OSCP1: variants seen among roughly 807,000 people sequenced by gnomAD.
OSCP1 encodes organic solute carrier partner 1, also known as protein OSCP1.
A neutral mutation model predicts 45.1 loss-of-function variants in OSCP1; 35 were observed. That is an observed-to-expected ratio of 0.78 (90% CI 0.59 to 1.03). The LOEUF (loss-of-function observed/expected upper bound fraction) is 1.03. Among genes scored for constraint, OSCP1 ranks in the 50% least tolerant of loss-of-function variants. OSCP1 has a pLI of 0.00. For synonymous variants in OSCP1, 179 were observed against 180.1 expected, an observed-to-expected ratio of 0.99 and a Z score of 0.05; for missense variants, 400 against 470.7, an observed-to-expected ratio of 0.85 and a Z score of 1.39.
At chr1:36,435,091 C>CTTTTTTTTTTTTTTTTTTTT (rs201268337) in intron 2 of OSCP1, among the ~76,000 whole-genome samples, 1 of 125,746 alleles carries the variant, frequency 8.0e-6, no homozygotes, top group South Asian at 2.5e-4. Context: ...TTTTCTTTTT[C>CTTTTTTTTTTTTTTTTTTTT]TTTTTTTTTT....
intron 8 of OSCP1, among the ~76,000 whole-genome samples, chr1:36,419,856 T>C (rs891034426): frequency 6.6e-6 from 1 of 152,174 alleles, no homozygotes; most frequent in African/African-American, 2.4e-5. Context: ...CTCTCTCTCC[T>C]AGGCTGGAAT....
chr1:36,427,843 T>C (rs1648075637), intron 4 of OSCP1, among the ~76,000 whole-genome samples: 1 of 152,196 alleles, frequency 6.6e-6, no homozygotes, highest in Non-Finnish European at 1.5e-5. Flanking sequence ...GATCTTAATT[T>C]ATATTGATGT....
rs1179066838 is a variant in OSCP1 at position 36,438,827 on chromosome 1, CCTT to C, written c.193_195del (p.Lys65del). ...AGGCGCTCATAGACAGTCCTCAGGG[CCTT>C]CTTGGAGTAGAGCTCTTGAGGCTTG... is the stretch of plus-strand genomic sequence containing the variant. On this transcript the variant is annotated inframe_deletion, in exon 2 of 10. Coordinates refer to ENST00000235532, the MANE Select transcript of OSCP1 (RefSeq NM_145047.5). 7.4e-5 allele frequency: 119 copies of C among 1,614,064 alleles called. No individual in the cohort carries two copies. Among genetic ancestry groups the C allele is most frequent in the Non-Finnish European group, 9.9e-5 (117 of 1,180,034 alleles).
At chr1:36,429,385 CAAA>C (rs57925548) in intron 4 of OSCP1, among the ~76,000 whole-genome samples, 12 of 127,376 alleles carry the variant, frequency 9.4e-5, no homozygotes, top group South Asian at 2.4e-4. Context: ...GAACCTGTCT[CAAA>C]AAAAAAAAAA....
chr1:36,437,604 C>T (rs1648833536), intron 2 of OSCP1, among the ~76,000 whole-genome samples: 2 of 152,070 alleles, frequency 1.3e-5, no homozygotes, highest in African/African-American at 2.4e-5. Context: ...CTGCAACCTC[C>T]GCCTCCTGGG....
chr1:36,418,987 G>A lies in OSCP1; in HGVS notation c.1023+4C>T, dbSNP rs765079133. On this transcript the variant is annotated splice_donor_region_variant and intron_variant, in intron 9 of 9. Transcript: ENST00000235532. ...TTGGACCCTGTGTTATCCCCTGTAC[G>A]TACCTGGGTGGCTTGTATGTTGATA... is the stretch of plus-strand genomic sequence containing the variant. 3.8e-6 allele frequency: 6 copies of A among 1,596,860 alleles called. No individual in the cohort carries two copies. Among genetic ancestry groups the A allele is most frequent in the Admixed American group, 3.3e-5 (2 of 59,932 alleles).
At chr1:36,441,750 C>CAAAAAA in intron 1 of OSCP1, among the ~76,000 whole-genome samples, 1 of 58,272 alleles carries the variant, frequency 1.7e-5, no homozygotes, top group Non-Finnish European at 3.3e-5. Context: ...GACTCCAGCT[C>CAAAAAA]AAAAAAAAAA....
At chr1:36,418,942 A>G (rs533377996) in intron 9 of OSCP1, 49 bp downstream of exon 9, 2 of 1,432,914 alleles carry the variant, frequency 1.4e-6, no homozygotes, top group East Asian at 2.3e-5. Context: ...AAAAAAAAAA[A>G]GATGAGGAAG....
chr1:36,449,515 G>A (rs1198023727), intron 1 of OSCP1, among the ~76,000 whole-genome samples: 2 of 151,962 alleles, frequency 1.3e-5, no homozygotes, highest in African/African-American at 4.8e-5. Flanking sequence ...CAGCTTATGT[G>A]GGAAGATACT....
At chr1:36,421,293 C>T (rs980469075) in intron 7 of OSCP1, among the ~76,000 whole-genome samples, 13 of 152,142 alleles carry the variant, frequency 8.5e-5, no homozygotes, top group African/African-American at 2.9e-4. Flanking sequence ...TACTGTGATC[C>T]GTTACGTAAG....
intron 9 of OSCP1, chr1:36,418,583 A>T: frequency 2.7e-6 from 1 of 365,968 alleles, no homozygotes; most frequent in Non-Finnish European, 5.0e-6. Context: ...CTGCTTGAAA[A>T]AGAGGGTCTC....
At chr1:36,436,456 G>T (rs184205457) in intron 2 of OSCP1, among the ~76,000 whole-genome samples, 2 of 151,964 alleles carry the variant, frequency 1.3e-5, no homozygotes, top group East Asian at 1.9e-4. Flanking sequence ...GCCAAGGCTG[G>T]TCTTGAACTC....
In OSCP1 at chr1:36,420,564, T is replaced by C; in HGVS notation, c.871A>G (p.Arg291Gly). 1.9e-6 allele frequency: 3 copies of C among 1,614,194 alleles called. No individual in the cohort carries two copies. The highest frequency in any genetic ancestry group is 2.5e-6 in the Non-Finnish European group (3 of 1,180,042). ...TTAATCTCCATCCCTCCCATCAGCC[T>C]GGCCAAGAAATTCAGCTCTTCTTTA... ...LAKEELNFLA[R>G]LMGGMEIKKP... Residue 291 changes from arginine to glycine, a missense_variant, in exon 8 of 10, where the codon AGG becomes GGG. Arg to Gly is a moderately radical substitution (Grantham distance 125). Transcript: ENST00000235532.
chr1:36,428,341 C>T, intron 4 of OSCP1: 1 of 1,612,730 alleles, frequency 6.2e-7, no homozygotes, highest in South Asian at 1.1e-5. Flanking sequence ...AGGTACAAAA[C>T]TCAAAGTTCT....
intron 3 of OSCP1, 25 bp downstream of exon 3, chr1:36,432,397 G>A (rs747649584): frequency 5.0e-6 from 8 of 1,611,596 alleles, no homozygotes; most frequent in Middle Eastern, 1.8e-4. Context: ...GGGGCTGAGA[G>A]GCGAGACACT....
Position 36,423,469 on chromosome 1 carries a change from G to T in OSCP1, c.517-3C>A. Reference sequence around the variant, plus strand: ...TTGTCCTTTAGAAACATGGATACCTGGAAAAAAATACATTTATTGTCATTT... The same window carrying T: ...TTGTCCTTTAGAAACATGGATACCTTGAAAAAAATACATTTATTGTCATTT... On this transcript the variant is annotated splice_region_variant and splice_polypyrimidine_tract_variant and intron_variant, in intron 4 of 9. Coordinates refer to ENST00000235532, the MANE Select transcript of OSCP1 (RefSeq NM_145047.5). 6.3e-7 allele frequency: 1 copy of T among 1,584,130 alleles called. No individual in the cohort carries two copies. Among genetic ancestry groups the T allele is most frequent in the South Asian group, 1.1e-5 (1 of 87,710 alleles).
intron 1 of OSCP1, chr1:36,444,046 T>C: frequency 1.2e-6 from 2 of 1,612,506 alleles, no homozygotes; most frequent in Non-Finnish European, 1.7e-6. Context: ...ACATGAAGCA[T>C]ACAAAAAGAA....
In OSCP1 at chr1:36,419,033, T is replaced by C. The variant is rs778103589; in HGVS notation, c.981A>G (p.Pro327=). The C allele has an allele frequency of 6.2e-7, 1 of 1,612,834 alleles. No homozygotes were observed. Among genetic ancestry groups the C allele is most frequent in the South Asian group, 1.1e-5 (1 of 91,058 alleles). Residue 327 remains proline (P), a synonymous_variant, in exon 9 of 10, where the codon CCA becomes CCG. Transcript: ENST00000235532. ...EEEEQAALTR[P]EELSYEVINI... ...TGATAACTTCATAGGATAACTCTTC[T>C]GGCCTGGTTAGCGCTGCTTGTCTGG... is the stretch of plus-strand genomic sequence containing the variant.
chr1:36,418,430 TA>T (rs1647405384), intron 9 of OSCP1, 175 bp from the exon 10 acceptor site: 1 of 619,960 alleles, frequency 1.6e-6, no homozygotes, highest in African/African-American at 1.8e-5. Flanking sequence ...AGGGTCTATA[TA>T]TTTTTTTTCT....
Sources: gnomAD v4.1 joint callset for allele counts (sites outside exome capture counted in the v4.1 genomes callset) on GRCh38, gnomAD v4.1.1 for gene constraint, MANE v1.5 for transcripts, NCBI Gene and HGNC (gene_info 2026-07-23, HGNC 2026-07-21) for gene names.